The following NANOS3 variants were observed in gnomAD, a reference collection of about 807,000 sequenced individuals.
NANOS3 encodes the protein nanos C2HC-type zinc finger 3, also known as nanos homolog 3.
NANOS3 carries 11 observed loss-of-function variants against 13.8 expected under a neutral mutation model. That is an observed-to-expected ratio of 0.80 (90% CI 0.50 to 1.32). The LOEUF is 1.32. NANOS3 is among the 40% of genes most tolerant of loss of function. The probability of loss-of-function intolerance (pLI) is 0.00; values close to 1 mark genes in which losing one functional copy is unlikely to be tolerated. For missense variants in NANOS3, 221 were observed against 263.8 expected, an observed-to-expected ratio of 0.84 and a Z score of 1.12; for synonymous variants, 119 against 115.4, an observed-to-expected ratio of 1.03 and a Z score of -0.20.
At chr19:13,866,560 G>A (rs767458644) in intron 1 of NANOS3, among the ~76,000 whole-genome samples, 1 of 152,196 alleles carries the variant, frequency 6.6e-6, no homozygotes, top group Non-Finnish European at 1.5e-5. Context: ...GTGTAGACAC[G>A]TCACCCACAA....
At chr19:13,868,883 A>G (rs1002262134) in intron 1 of NANOS3, among the ~76,000 whole-genome samples, 1 of 151,962 alleles carries the variant, frequency 6.6e-6, no homozygotes, top group African/African-American at 2.4e-5. Flanking sequence ...ACCCACAGCA[A>G]TGCTGACATC....
rs1422337482 is a variant in NANOS3, at chr19:13,877,322, G to T, written c.74G>T (p.Gly25Val). ...HLVRALSGKE[G>V]PETRLSPQPE... ...GTTAGGGCTCTGAGTGGGAAAGAGG[G>T]TCCTGAAACCAGGCTGAGCCCCCAG... Residue 25 changes from glycine to valine, a missense_variant, in exon 1 of 2, where the codon GGT (glycine) becomes GTT (valine). By Grantham distance (109) the Gly-to-Val change is moderately radical. This residue lies in a region of NANOS3 where 112 missense variants were observed against 116.3 expected (regional missense o/e 0.96). Transcript: ENST00000339133. The T allele has an allele frequency of 6.2e-7, 1 of 1,612,862 alleles. No homozygotes were observed. Among genetic ancestry groups the T allele is most frequent in the East Asian group, 2.2e-5 (1 of 44,900 alleles).
chr19:13,872,705 C>T (rs1179753649), upstream of NANOS3, among the ~76,000 whole-genome samples: 1 of 152,198 alleles, frequency 6.6e-6, no homozygotes, highest in Non-Finnish European at 1.5e-5. Flanking sequence ...GGCCTGGACA[C>T]CTGGGGTGGA....
At chr19:13,878,000 C>G (rs1968554378) in intron 1 of NANOS3, among the ~76,000 whole-genome samples, 1 of 151,890 alleles carries the variant, frequency 6.6e-6, no homozygotes, top group Non-Finnish European at 1.5e-5. Context: ...CCTCCACCTC[C>G]TGGATTCAAG....
At chr19:13,877,028 G>A (rs753677233), upstream of NANOS3, among the ~76,000 whole-genome samples, 25 of 152,140 alleles carry the variant, frequency 1.6e-4, no homozygotes, top group Non-Finnish European at 2.8e-4. Flanking sequence ...AGGAGTATTA[G>A]TGGGGCACCA....
At chr19:13,865,846 G>A (rs1486302769) in intron 1 of NANOS3, among the ~76,000 whole-genome samples, 1 of 151,392 alleles carries the variant, frequency 6.6e-6, no homozygotes, top group South Asian at 2.1e-4. Context: ...GCCACGGGCC[G>A]GGGCGGCGGC....
At chr19:13,866,839 C>T (rs2145064499) in intron 1 of NANOS3, among the ~76,000 whole-genome samples, 1 of 152,112 alleles carries the variant, frequency 6.6e-6, no homozygotes, top group African/African-American at 2.4e-5. Context: ...CAAGTTCACA[C>T]CTGCACACTC....
intron 1 of NANOS3, among the ~76,000 whole-genome samples, chr19:13,868,143 C>T (rs1205434908): frequency 1.3e-5 from 2 of 151,962 alleles, no homozygotes; most frequent in South Asian, 2.1e-4. Flanking sequence ...ACTGCAATCT[C>T]CAACTCCCAG....
chr19:13,869,885 T>C (rs747776789), intron 1 of NANOS3, among the ~76,000 whole-genome samples: 1 of 151,744 alleles, frequency 6.6e-6, no homozygotes, highest in African/African-American at 2.4e-5. Flanking sequence ...CCAACCCCCA[T>C]GCACCAAGGC....
chr19:13,871,806 G>A (rs1256783758), intron 1 of NANOS3, among the ~76,000 whole-genome samples: 1 of 152,062 alleles, frequency 6.6e-6, no homozygotes, highest in Non-Finnish European at 1.5e-5. Flanking sequence ...GCAACATAGT[G>A]AGATCTCATC....
upstream of NANOS3, among the ~76,000 whole-genome samples, chr19:13,873,712 C>T (rs76578579): frequency 1.1e-3 from 164 of 152,270 alleles, 1 homozygote; most frequent in African/African-American, 3.7e-3. Flanking sequence ...CTCAAAAGAT[C>T]CTCCCGCCTC....
rs755206009 is a variant in NANOS3, at chr19:13,877,726, C to G, written c.478C>G (p.Gln160Glu). The change falls in exon 1 of 2, where the codon CAG becomes GAG. Residue 160 changes from glutamine (Q) to glutamate (E), a missense_variant. Gln to Glu is a conservative substitution (Grantham distance 29). This residue lies in a region of NANOS3 where 60 missense variants were observed against 56.5 expected (regional missense o/e 1.06). Coordinates refer to ENST00000339133, the MANE Select transcript of NANOS3 (RefSeq NM_001098622.3). The part of the protein sequence containing the change: ...KLVRPDKAKT[Q>E]DTGHRRGGGG... ...GGTCCGGCCTGACAAGGCGAAGACA[C>G]AGGACACAGGCCACCGCCGAGGAGG... 6.3e-7 allele frequency: 1 copy of G among 1,596,936 alleles called. No individual in the cohort carries two copies.
upstream of NANOS3, chr19:13,877,105 A>C: frequency 2.7e-6 from 2 of 728,722 alleles, no homozygotes. Context: ...CCTTGGAGGT[A>C]AAAGGAGGGT....
chr19:13,874,815 G>A (rs771751785), upstream of NANOS3: 10 of 532,322 alleles, frequency 1.9e-5, no homozygotes, highest in African/African-American at 3.9e-5. Flanking sequence ...TCCTCCTGCC[G>A]GTGACTCTGA....
chr19:13,869,753 TACAC>T (rs147933094), intron 1 of NANOS3, among the ~76,000 whole-genome samples: 6,708 of 146,572 alleles, frequency 0.046, 197 homozygotes, highest in Middle Eastern at 0.085. Flanking sequence ...CAGGCCCAAG[TACAC>T]ACACACACAC....
At chr19:13,872,148 C>T (rs1976337171), upstream of NANOS3, among the ~76,000 whole-genome samples, 1 of 152,090 alleles carries the variant, frequency 6.6e-6, no homozygotes, top group Admixed American at 6.6e-5. Context: ...AGTTGGAGAC[C>T]AACCTGGCCA....
upstream of NANOS3, chr19:13,862,233 C>T (rs911091902): frequency 1.3e-5 from 2 of 152,194 alleles, no homozygotes; most frequent in Admixed American, 1.3e-4. Context: ...TTCTAGGGGG[C>T]TTTATTTAAG....
rs368615413 is a variant in NANOS3 at position 13,880,695 on chromosome 19, C to A, written c.*192C>A. 108 of 590,402 alleles carry A rather than the reference C, an allele frequency of 1.8e-4. 1 individual carries two copies. The highest frequency in any genetic ancestry group is 1.3e-3 in the Middle Eastern group (3 of 2,232). The allele number at this position is 590,402 out of a possible 1,614,324, so 36.6% of individuals were successfully genotyped here. A position where few individuals can be genotyped will look rare whatever the true frequency, so the allele number is the denominator to read the frequency against. Reference sequence around the variant, plus strand: ...GGACCCCACCCTTTGTGCCATCTGCCGTTTCCCTAGTGCTGGGCATCCAGT... The same window carrying A: ...GGACCCCACCCTTTGTGCCATCTGCAGTTTCCCTAGTGCTGGGCATCCAGT... On this transcript the variant is annotated 3_prime_UTR_variant, in exon 2 of 2. Coordinates refer to ENST00000339133, the MANE Select transcript of NANOS3 (RefSeq NM_001098622.3).
Position 13,877,819 on chromosome 19 carries a change from C to A in NANOS3, c.517+54C>A, listed in dbSNP as rs541258451. On this transcript the variant is annotated intron_variant, in intron 1 of 1. Coordinates refer to ENST00000339133, the MANE Select transcript of NANOS3 (RefSeq NM_001098622.3). ...TGTCCGAGGGTAGTGGCTGAGCCCC[C>A]CTGTGAAGTAAGATTAGCCCCAGTA... is the stretch of plus-strand genomic sequence containing the variant. 1.1e-5 allele frequency: 16 copies of A among 1,504,016 alleles called. No homozygotes were observed. In the East Asian group the frequency reaches 1.5e-4, roughly 14 times the overall value. 93.2% of individuals were successfully genotyped at this position (1,504,016 alleles called of 1,614,324 possible).
Sources: gnomAD v4.1 joint callset for allele counts (sites outside exome capture counted in the v4.1 genomes callset) on GRCh38, gnomAD v4.1.1 for gene constraint, gnomAD v4.1.1 regional missense constraint, MANE v1.5 for transcripts, NCBI Gene and HGNC (gene_info 2026-07-23, HGNC 2026-07-21) for gene names.